SPAG1: variants seen among roughly 807,000 people sequenced by gnomAD.
The protein encoded by SPAG1 is sperm-associated antigen 1.
Under a neutral mutation model 100.5 loss-of-function variants are expected in SPAG1, and 69 were observed. The ratio of observed to expected loss-of-function variants is 0.69; its 90% CI spans 0.57 to 0.84. The LOEUF (loss-of-function observed/expected upper bound fraction) is 0.84. Among genes scored for constraint, SPAG1 ranks in the 40% least tolerant of loss-of-function variants. The pLI is 0.00. For missense variants in SPAG1, 955 were observed against 1,133.1 expected, an observed-to-expected ratio of 0.84 and a Z score of 2.26; for synonymous variants, 336 against 411.6, an observed-to-expected ratio of 0.82 and a Z score of 2.22.
Position 100,213,083 on chromosome 8 carries a change from C to A in SPAG1, c.1097-7C>A. The A allele has an allele frequency of 6.8e-7, 1 of 1,464,618 alleles. No homozygotes were observed. The highest frequency in any genetic ancestry group is 1.3e-5 in the South Asian group (1 of 77,822). The allele number at this position is 1,464,618 out of a possible 1,614,324, so 90.7% of individuals were successfully genotyped here. A position where few individuals can be genotyped will look rare whatever the true frequency, so the allele number is the denominator to read the frequency against. On this transcript the variant is annotated splice_region_variant and splice_polypyrimidine_tract_variant and intron_variant, in intron 10 of 18. Transcript: ENST00000388798. ...AACCCTCACTTCCCGCATCCACTTC[C>A]TCACAGAGCCCGCGGAGCCGGCGGG...
rs540167556 is a variant in SPAG1, at chr8:100,191,314, C to A, written c.833-76C>A. On this transcript the variant is annotated intron_variant, in intron 8 of 18. Coordinates refer to ENST00000388798, the MANE Select transcript of SPAG1 (RefSeq NM_003114.5). ...CTAAAGTATTCTGTGCTGCTCATAT[C>A]TTCCACTTGCCAAATATGTTGTAAC... The A allele has an allele frequency of 2.0e-5, 20 of 977,062 alleles. No individual in the cohort carries two copies. The African/African-American group carries it at 2.6e-4, about 13-fold the overall frequency. The allele number at this position is 977,062 out of a possible 1,614,324, so 60.5% of individuals were successfully genotyped here.
chr8:100,224,157 A>C (rs1327674698), intron 13 of SPAG1, among the ~76,000 whole-genome samples: 1 of 152,210 alleles, frequency 6.6e-6, no homozygotes, highest in Non-Finnish European at 1.5e-5. Flanking sequence ...TGAGGATATT[A>C]ATCTAAATTT....
rs1350890397 is a variant in SPAG1 at position 100,239,849 on chromosome 8, T to C, written c.2280+445T>C. 6.6e-6 allele frequency among the ~76,000 whole-genome samples: 1 copy of C among 152,236 alleles called. No individual in the cohort carries two copies. Among genetic ancestry groups the C allele is most frequent in the Non-Finnish European group, 1.5e-5 (1 of 68,042 alleles). On this transcript the variant is annotated intron_variant, in intron 17 of 18. Coordinates refer to ENST00000388798, the MANE Select transcript of SPAG1 (RefSeq NM_003114.5). The surrounding 1 kb of genome is among the most constrained non-coding windows in gnomAD (Gnocchi z 5.0). Reference sequence around the variant, plus strand: ...GACTGCCTCATCAGAGATCTCGAACTACCTCAGGATCAAACTGCTTTTGTG... The same window carrying C: ...GACTGCCTCATCAGAGATCTCGAACCACCTCAGGATCAAACTGCTTTTGTG...
intron 15 of SPAG1, among the ~76,000 whole-genome samples, chr8:100,232,617 T>C (rs1420306143): frequency 1.3e-5 from 2 of 152,202 alleles, no homozygotes; most frequent in Non-Finnish European, 2.9e-5. Flanking sequence ...ATTCCCTTGC[T>C]CTGGGCCACT....
chr8:100,238,484 T>C (rs1317244665), intron 16 of SPAG1, among the ~76,000 whole-genome samples: 1 of 152,226 alleles, frequency 6.6e-6, no homozygotes. Context: ...CTTTGCCTCT[T>C]CACAGTTTGG....
chr8:100,204,218 C>A (rs1223936687), intron 10 of SPAG1, among the ~76,000 whole-genome samples: 1 of 152,118 alleles, frequency 6.6e-6, no homozygotes, highest in Non-Finnish European at 1.5e-5. Context: ...GAAGCCACCC[C>A]CAACAACCTT....
chr8:100,214,796 A>T (rs2088199), intron 12 of SPAG1, among the ~76,000 whole-genome samples: 94,271 of 151,142 alleles, frequency 0.62, 29,714 homozygotes, highest in African/African-American at 0.71. Context: ...CCTGGCCAAC[A>T]TGATGAAAGC....
intron 6 of SPAG1, 78 bp downstream of exon 6, chr8:100,184,140 T>C (rs551628382): frequency 5.0e-4 from 322 of 644,694 alleles, no homozygotes; most frequent in Admixed American, 2.2e-3. Context: ...CTAGAAGACA[T>C]TGTCTTTGAG....
intron 13 of SPAG1, 128 bp downstream of exon 13, chr8:100,220,559 T>G: frequency 1.4e-6 from 1 of 733,774 alleles, no homozygotes; most frequent in South Asian, 1.9e-5. Flanking sequence ...GATTGCCTTC[T>G]TTTATTCCAT....
At position 100,173,033 on chromosome 8, in the gene SPAG1, C is replaced by CTT. The variant is rs149257955; in HGVS notation, c.301-4757_301-4756dup. On this transcript the variant is annotated intron_variant, in intron 3 of 18. Transcript: ENST00000388798. ...GTGTCTTTGCTCTTCTTGACCACTT[C>CTT]TTTTTTTTTTTTTTTTTTTTTTTTT... 2.0e-3 allele frequency among the ~76,000 whole-genome samples: 130 copies of CTT among 63,668 alleles called. 12 individuals carry two copies. Among genetic ancestry groups the CTT allele is most frequent in the South Asian group, 2.7e-3 (4 of 1,482 alleles). The allele number at this position is 63,668 out of a possible 152,430, so 41.8% of individuals were successfully genotyped here.
At chr8:100,183,925 T>C in intron 5 of SPAG1, 31 bp from the exon 6 acceptor site, 1 of 1,097,030 alleles carries the variant, frequency 9.1e-7, no homozygotes, top group Non-Finnish European at 1.3e-6. Context: ...TGTATTGTAC[T>C]TTTTTGGTTT....
intron 2 of SPAG1, 27 bp from the exon 3 acceptor site, chr8:100,165,787 T>G: frequency 1.3e-6 from 2 of 1,597,650 alleles, no homozygotes; most frequent in Non-Finnish European, 1.7e-6. Flanking sequence ...AGGTGCTAAC[T>G]CTAAAACTTA....
intron 10 of SPAG1, among the ~76,000 whole-genome samples, chr8:100,201,562 T>C (rs781446673): frequency 6.6e-6 from 1 of 152,210 alleles, no homozygotes. Context: ...TATATCCATA[T>C]ATATATGTTT....
chr8:100,211,719 T>C (rs954672587), intron 10 of SPAG1, among the ~76,000 whole-genome samples: 2 of 152,260 alleles, frequency 1.3e-5, no homozygotes, highest in African/African-American at 4.8e-5. Context: ...CTTCTAGCTC[T>C]GTGTACTAGA....
At chr8:100,183,237 T>A in intron 4 of SPAG1, 138 bp from the exon 5 acceptor site, 1 of 468,570 alleles carries the variant, frequency 2.1e-6, no homozygotes, top group Non-Finnish European at 3.9e-6. Flanking sequence ...CCTCCCAAAG[T>A]GCTGGGATTA....
chr8:100,203,979 A>G (rs184531510), intron 10 of SPAG1, among the ~76,000 whole-genome samples: 359 of 152,314 alleles, frequency 2.4e-3, no homozygotes, highest in African/African-American at 8.0e-3. Context: ...GGGGATGTGT[A>G]GGAGGACCTT....
chr8:100,215,891 C>G (rs1817964836), intron 12 of SPAG1, among the ~76,000 whole-genome samples: 1 of 152,186 alleles, frequency 6.6e-6, no homozygotes, highest in African/African-American at 2.4e-5. Flanking sequence ...CCTTGAGGCA[C>G]TTGAATTTTT....
intron 10 of SPAG1, among the ~76,000 whole-genome samples, chr8:100,210,877 G>A (rs545656421): frequency 2.6e-5 from 4 of 151,460 alleles, no homozygotes; most frequent in Non-Finnish European, 4.4e-5. Flanking sequence ...GCCCAGGGTG[G>A]AGTGCAATGG....
chr8:100,158,162 T>A (rs1444567175), upstream of SPAG1: 1 of 152,308 alleles, frequency 6.6e-6, no homozygotes, highest in Non-Finnish European at 1.5e-5. Context: ...ATAGGACTTG[T>A]CGCATCTCAG....
Sources: allele counts gnomAD v4.1 joint callset (sites outside exome capture counted in the v4.1 genomes callset), GRCh38; gene constraint gnomAD v4.1.1; non-coding constraint Gnocchi (gnomAD v3.1); transcripts MANE v1.5; gene names NCBI Gene and HGNC (gene_info 2026-07-23, HGNC 2026-07-21).